MYO9B: variants seen among roughly 807,000 people sequenced by gnomAD.
The protein encoded by MYO9B is unconventional myosin-IXb.
MYO9B carries 71 observed loss-of-function variants against 229.5 expected under a neutral mutation model. The observed-to-expected ratio is 0.31, with a 90% CI of 0.26 to 0.38. MYO9B has a LOEUF of 0.38. Among genes scored for constraint, MYO9B ranks in the 10% least tolerant of loss-of-function variants. The pLI is 1.00. For missense variants in MYO9B, 2,255 were observed against 2,920.5 expected, an observed-to-expected ratio of 0.77 and a Z score of 5.25; for synonymous variants, 1,185 against 1,235.8, an observed-to-expected ratio of 0.96 and a Z score of 0.86.
intron 15 of MYO9B, among the ~76,000 whole-genome samples, chr19:17,181,953 T>G (rs2072866183): frequency 6.6e-6 from 1 of 152,020 alleles, no homozygotes; most frequent in Non-Finnish European, 1.5e-5. Flanking sequence ...TTTTTTGTAT[T>G]TTTAGTAGAG....
chr19:17,198,163 C>A lies in MYO9B; in HGVS notation c.4114-21C>A, dbSNP rs775002745. On this transcript the variant is annotated intron_variant, in intron 23 of 39. Transcript: ENST00000682292. ...GACTGCCAGCCTTTCCTTAGCAGCCCCCCACTGCACCGTCTTGCAGCCTGC... is the reference window on the plus strand; with the variant it reads ...GACTGCCAGCCTTTCCTTAGCAGCCACCCACTGCACCGTCTTGCAGCCTGC... 5.6e-6 allele frequency: 9 copies of A among 1,613,178 alleles called. No homozygotes were observed. In the South Asian group the frequency reaches 9.9e-5, roughly 18 times the overall value.
At chr19:17,148,670 G>A (rs940355460) in intron 3 of MYO9B, among the ~76,000 whole-genome samples, 1 of 152,082 alleles carries the variant, frequency 6.6e-6, no homozygotes, top group Non-Finnish European at 1.5e-5. Flanking sequence ...TGCAACCTCC[G>A]CCTCCCGGGC....
rs2073111302 is a variant in MYO9B at position 17,202,015 on chromosome 19, C to T, written c.4653C>T (p.Tyr1551=). The T allele has an allele frequency of 1.2e-6, 2 of 1,612,556 alleles. No homozygotes were observed. The highest frequency in any genetic ancestry group is 1.1e-5 in the South Asian group (1 of 90,762). ...TCAGGAGCAACATCAAAACGATGTA[C>T]TCTGTCCCGGTATGTGGCGGCCCGG... is the stretch of plus-strand genomic sequence containing the variant. ...EKFRSNIKTM[Y]SVPNGKIHVG... The change falls in exon 27 of 40, where the codon TAC becomes TAT. Residue 1551 remains tyrosine (Y), a synonymous_variant. Coordinates refer to ENST00000682292, the MANE Select transcript of MYO9B (RefSeq NM_004145.4).
intron 2 of MYO9B, among the ~76,000 whole-genome samples, chr19:17,134,833 G>A (rs978408588): frequency 4.0e-5 from 6 of 151,780 alleles, no homozygotes; most frequent in African/African-American, 9.7e-5. Flanking sequence ...GCACGATCTC[G>A]GCTCACTGCA....
chr19:17,126,039 C>A lies in MYO9B; in HGVS notation c.841-19358C>A, dbSNP rs2058014347. ...CTCCTCACCTCCATGACACCCACCC[C>A]CTTCGCAGGGTCTTCCTTGTGCCTG... On this transcript the variant is annotated intron_variant, in intron 2 of 39. Transcript: ENST00000682292. Among the ~76,000 whole-genome samples the A allele has an allele frequency of 4.6e-5, 7 of 152,218 alleles. No individual in the cohort carries two copies. In the South Asian group the frequency reaches 1.2e-3, roughly 27 times the overall value.
intron 2 of MYO9B, among the ~76,000 whole-genome samples, chr19:17,106,335 C>G (rs752520211): frequency 7.9e-5 from 12 of 152,196 alleles, no homozygotes; most frequent in Non-Finnish European, 1.6e-4. Context: ...TGCTGTGTGG[C>G]AGGCTATGAT....
At chr19:17,122,687 A>G (rs1160123436) in intron 2 of MYO9B, among the ~76,000 whole-genome samples, 5 of 152,232 alleles carry the variant, frequency 3.3e-5, no homozygotes, top group Non-Finnish European at 7.3e-5. Flanking sequence ...AGTTTGGGAC[A>G]TAGACACAGA....
In MYO9B at chr19:17,188,037, A is replaced by G. The variant is rs377304387; in HGVS notation, c.2680A>G (p.Thr894Ala). ...GAGGTCAGGGTACAGCGCCAAGTACACGTTCCAGGTAGGCCACAAGCACAT... is the reference window on the plus strand; with the variant it reads ...GAGGTCAGGGTACAGCGCCAAGTACGCGTTCCAGGTAGGCCACAAGCACAT... Reference protein sequence around the residue: ...IRRSGYSAKYTFQDFTEQFQV... With the variant: ...IRRSGYSAKYAFQDFTEQFQV... Residue 894 changes from threonine (T) to alanine (A), a missense_variant, in exon 19 of 40, where the codon ACG (threonine) becomes GCG (alanine). Thr to Ala is a moderately conservative substitution (Grantham distance 58). Coordinates refer to ENST00000682292, the MANE Select transcript of MYO9B (RefSeq NM_004145.4). The G allele has an allele frequency of 6.0e-5, 96 of 1,592,154 alleles. 2 individuals are homozygous for G. The South Asian group carries it at 7.9e-4, about 13-fold the overall frequency.
In MYO9B at chr19:17,209,664, A is replaced by G. The variant is rs1454509028; in HGVS notation, c.5703A>G (p.Ala1901=). ...KMEEISQLEA[A]ESIAFRRLSL... ...AGGAGATCAGCCAACTGGAGGCTGC[A>G]GAGAGTATCGCCTTCCGCAGGCTTT... Residue 1901 remains alanine, a synonymous_variant, in exon 36 of 40, where the codon GCA becomes GCG. Transcript: ENST00000682292. 5 of 1,613,042 alleles carry G rather than the reference A, an allele frequency of 3.1e-6. No homozygotes were observed. The South Asian group carries it at 5.5e-5, about 18-fold the overall frequency.
chr19:17,152,837 G>A, intron 4 of MYO9B, 131 bp downstream of exon 4: 1 of 742,774 alleles, frequency 1.3e-6, no homozygotes, highest in Non-Finnish European at 2.2e-6. Flanking sequence ...GCTCTCACAG[G>A]AGCAGGGCCT....
intron 1 of MYO9B, among the ~76,000 whole-genome samples, chr19:17,076,899 G>A (rs367864035): frequency 6.6e-6 from 1 of 152,108 alleles, no homozygotes; most frequent in African/African-American, 2.4e-5. Context: ...TCTGTCCCCC[G>A]GTTGCTCTGA....
Position 17,172,785 on chromosome 19 carries a change from C to T in MYO9B, c.1962C>T (p.Tyr654=). Reference sequence around the variant, plus strand: ...ACTTCCGGGAGAAGAACATGGACTACATGCGGCCAGACATCGTGGCCCTGC... The same window carrying T: ...ACTTCCGGGAGAAGAACATGGACTATATGCGGCCAGACATCGTGGCCCTGC... The part of the protein sequence containing the change: ...IKDFREKNMD[Y]MRPDIVALLR... The change falls in exon 13 of 40, where the codon TAC becomes TAT. Residue 654 remains tyrosine (Y), a synonymous_variant. Coordinates refer to ENST00000682292, the MANE Select transcript of MYO9B (RefSeq NM_004145.4). This position sits in a 1 kb window ranked among gnomAD's most constrained non-coding sequence, Gnocchi z 8.2. 6.2e-7 allele frequency: 1 copy of T among 1,613,622 alleles called. No individual in the cohort carries two copies. The highest frequency in any genetic ancestry group is 1.1e-5 in the South Asian group (1 of 91,088).
intron 31 of MYO9B, 23 bp downstream of exon 31, chr19:17,205,359 T>C: frequency 6.2e-7 from 1 of 1,607,394 alleles, no homozygotes; most frequent in Non-Finnish European, 8.5e-7. Flanking sequence ...GGCCTGGAAC[T>C]TTCTACAATG....
intron 11 of MYO9B, among the ~76,000 whole-genome samples, 182 bp downstream of exon 11, chr19:17,168,246 C>G (rs2072682348): frequency 6.6e-6 from 1 of 152,156 alleles, no homozygotes. Flanking sequence ...CTCACTGCAG[C>G]CTTGACCTCC....
chr19:17,122,354 CA>C (rs1475354966), intron 2 of MYO9B, among the ~76,000 whole-genome samples: 13 of 152,156 alleles, frequency 8.5e-5, no homozygotes, highest in Non-Finnish European at 1.8e-4. Context: ...GCCTGGTTAA[CA>C]TGGTGAAACC....
chr19:17,131,751 G>T (rs2145174225), intron 2 of MYO9B, among the ~76,000 whole-genome samples: 1 of 152,316 alleles, frequency 6.6e-6, no homozygotes, highest in East Asian at 1.9e-4. Context: ...CAGAGGAAGA[G>T]GCAAGACTGC....
At chr19:17,209,499 C>T (rs76331713) in intron 35 of MYO9B, 87 bp from the exon 36 acceptor site, 50,500 of 1,432,090 alleles carry the variant, frequency 0.035, 1,300 homozygotes, top group African/African-American at 0.12. Flanking sequence ...AACCACTGCC[C>T]CCCAGGCACC....
At chr19:17,210,613 C>A in intron 37 of MYO9B, 102 bp from the exon 38 acceptor site, 2 of 1,388,186 alleles carry the variant, frequency 1.4e-6, no homozygotes. Context: ...AAGAGCCCAG[C>A]ACACTCACAT....
intron 38 of MYO9B, 142 bp from the exon 39 acceptor site, chr19:17,211,505 G>C (rs2073228653): frequency 2.1e-5 from 17 of 808,880 alleles, no homozygotes; most frequent in Non-Finnish European, 2.8e-5. Flanking sequence ...AAACTCCTGG[G>C]CTCAAGCAAT....
Sources: gnomAD v4.1 joint callset for allele counts (sites outside exome capture counted in the v4.1 genomes callset) on GRCh38, gnomAD v4.1.1 for gene constraint, Gnocchi (gnomAD v3.1) non-coding constraint, MANE v1.5 for transcripts, NCBI Gene and HGNC (gene_info 2026-07-23, HGNC 2026-07-21) for gene names.